Variants in SORCS3 observed in about 807,000 individuals in gnomAD.
SORCS3 encodes the protein sortilin related VPS10 domain containing receptor 3.
In SORCS3, 57 loss-of-function variants were observed where a neutral mutation model predicts 146.3. The observed-to-expected ratio is 0.39, with a 90% CI of 0.31 to 0.49. The LOEUF (loss-of-function observed/expected upper bound fraction) is 0.49. Among genes scored for constraint, SORCS3 ranks in the 20% least tolerant of loss-of-function variants. The probability of loss-of-function intolerance (pLI) is 0.92; values close to 1 mark genes in which losing one functional copy is unlikely to be tolerated. For synonymous variants in SORCS3, 653 were observed against 618.5 expected (o/e 1.06, Z -0.83); for missense variants, 1,341 against 1,575.5 (o/e 0.85, Z 2.52).
intron 2 of SORCS3, among the ~76,000 whole-genome samples, chr10:104,867,639 C>T (rs902541913): frequency 6.6e-6 from 1 of 152,120 alleles, no homozygotes; most frequent in Non-Finnish European, 1.5e-5. Context: ...AGCATTCACT[C>T]TTAGGGTCCT....
intron 2 of SORCS3, among the ~76,000 whole-genome samples, chr10:104,846,430 A>T (rs1006843514): frequency 6.6e-6 from 1 of 152,216 alleles, no homozygotes. Context: ...GATTCGGCCT[A>T]ACATGCTTAA....
intron 5 of SORCS3, among the ~76,000 whole-genome samples, chr10:105,050,077 A>G (rs1013024312): frequency 6.6e-6 from 1 of 151,920 alleles, no homozygotes; most frequent in African/African-American, 2.4e-5. Context: ...AACATCTTAA[A>G]ACCTGTCATT....
At chr10:105,040,902 A>C (rs2055333686) in intron 4 of SORCS3, among the ~76,000 whole-genome samples, 1 of 151,358 alleles carries the variant, frequency 6.6e-6, no homozygotes, top group Non-Finnish European at 1.5e-5. Context: ...TTTTCTGTAT[A>C]GTTGATGTAG....
At chr10:105,239,658 G>A (rs1451036130) in intron 20 of SORCS3, among the ~76,000 whole-genome samples, 5 of 152,190 alleles carry the variant, frequency 3.3e-5, no homozygotes, top group East Asian at 3.8e-4. Context: ...TCTGTAGATT[G>A]GATGAAGCAC....
intron 5 of SORCS3, among the ~76,000 whole-genome samples, chr10:105,073,914 G>A (rs74157413): frequency 0.027 from 4,110 of 152,152 alleles, 125 homozygotes; most frequent in East Asian, 0.17. Context: ...GTAACTGTCC[G>A]AGAAGCCATG....
chr10:105,093,902 A>G lies in SORCS3; in HGVS notation c.1093+4063A>G, dbSNP rs144600604. 4.0e-3 allele frequency among the ~76,000 whole-genome samples: 610 copies of G among 152,306 alleles called. 3 individuals are homozygous for G. The highest frequency in any genetic ancestry group is 0.014 in the African/African-American group (576 of 41,582). On this transcript the variant is annotated intron_variant, in intron 6 of 26. Transcript: ENST00000369701. ...GCTATATATTCAGCCTAGAAAAATG[A>G]AAAATTTATATTCACATTAAAACCT...
At chr10:104,762,302 G>A in intron 1 of SORCS3, among the ~76,000 whole-genome samples, 1 of 152,142 alleles carries the variant, frequency 6.6e-6, no homozygotes. Flanking sequence ...CTGATTTGTA[G>A]CATTTACCAA....
chr10:104,860,208 G>A (rs2018384657), intron 2 of SORCS3, among the ~76,000 whole-genome samples: 1 of 111,954 alleles, frequency 8.9e-6, no homozygotes, highest in Non-Finnish European at 1.9e-5. Flanking sequence ...AGAAAATGTG[G>A]CACATATACA....
chr10:105,158,546 C>A (rs540434062), intron 10 of SORCS3, among the ~76,000 whole-genome samples: 2 of 152,074 alleles, frequency 1.3e-5, no homozygotes, highest in South Asian at 2.1e-4. Flanking sequence ...ATCAGAAATG[C>A]GAGAATGTTA....
intron 1 of SORCS3, among the ~76,000 whole-genome samples, chr10:104,648,069 A>T (rs2015515431): frequency 6.6e-6 from 1 of 152,220 alleles, no homozygotes; most frequent in Non-Finnish European, 1.5e-5. Flanking sequence ...CTGTAAAGTT[A>T]AATAACACAT....
intron 2 of SORCS3, among the ~76,000 whole-genome samples, chr10:104,859,834 G>GGC (rs1341310013): frequency 6.6e-6 from 1 of 150,386 alleles, no homozygotes; most frequent in Non-Finnish European, 1.5e-5. Context: ...ATCATCACTG[G>GGC]CCATCAGAGA....
chr10:105,213,088 C>T (rs2056643673), intron 17 of SORCS3, among the ~76,000 whole-genome samples: 1 of 152,154 alleles, frequency 6.6e-6, no homozygotes, highest in Admixed American at 6.5e-5. Flanking sequence ...AGGTGCGCTA[C>T]CATATTGCCT....
intron 3 of SORCS3, among the ~76,000 whole-genome samples, chr10:104,966,514 A>G (rs1169628262): frequency 6.6e-6 from 1 of 152,172 alleles, no homozygotes; most frequent in Non-Finnish European, 1.5e-5. Flanking sequence ...TTTAGAGAAA[A>G]GTCTGTTTGC....
At chr10:104,717,493 G>A (rs1316230200) in intron 1 of SORCS3, among the ~76,000 whole-genome samples, 2 of 152,094 alleles carry the variant, frequency 1.3e-5, no homozygotes, top group African/African-American at 4.8e-5. Flanking sequence ...GTTGCCTGCT[G>A]TCTGTGTGAG....
intron 3 of SORCS3, among the ~76,000 whole-genome samples, chr10:104,961,885 C>A (rs927513859): frequency 6.6e-6 from 1 of 152,116 alleles, no homozygotes; most frequent in Admixed American, 6.6e-5. Flanking sequence ...ATTTATTGAG[C>A]ACGTTCTTCA....
At chr10:104,656,802 A>G (rs906760738) in intron 1 of SORCS3, among the ~76,000 whole-genome samples, 2 of 152,222 alleles carry the variant, frequency 1.3e-5, no homozygotes, top group Non-Finnish European at 2.9e-5. Context: ...GGAAAAAAGG[A>G]TGAATGCTAA....
intron 1 of SORCS3, among the ~76,000 whole-genome samples, chr10:104,658,072 G>T (rs2015654356): frequency 6.6e-6 from 1 of 152,124 alleles, no homozygotes; most frequent in Non-Finnish European, 1.5e-5. Flanking sequence ...TTTTAAAATT[G>T]CCTTTCTCCC....
intron 1 of SORCS3, among the ~76,000 whole-genome samples, chr10:104,833,202 A>G (rs2018020975): frequency 1.3e-5 from 2 of 152,192 alleles, no homozygotes; most frequent in African/African-American, 4.8e-5. Flanking sequence ...TCTGAAATTG[A>G]AATGTTTGAT....
At chr10:105,102,222 T>C (rs1484935662) in intron 6 of SORCS3, among the ~76,000 whole-genome samples, 1 of 150,740 alleles carries the variant, frequency 6.6e-6, no homozygotes, top group Non-Finnish European at 1.5e-5. Flanking sequence ...TCATTGAACA[T>C]GCACACATGT....
Sources: gnomAD v4.1 joint callset for allele counts (sites outside exome capture counted in the v4.1 genomes callset) on GRCh38, gnomAD v4.1.1 for gene constraint, MANE v1.5 for transcripts, NCBI Gene and HGNC (gene_info 2026-07-23, HGNC 2026-07-21) for gene names.